The following ZSCAN21 variants were observed in gnomAD, a reference collection of about 807,000 sequenced individuals.
ZSCAN21 encodes the protein zinc finger and SCAN domain containing 21, also known as zinc finger and SCAN domain-containing protein 21.
Under a neutral mutation model 35.6 loss-of-function variants are expected in ZSCAN21, and 26 were observed. The observed-to-expected ratio is 0.73, with a 90% CI of 0.54 to 1.01. The LOEUF (loss-of-function observed/expected upper bound fraction) is 1.01, where lower values mean the gene tolerates loss of function less well. Among genes scored for constraint, ZSCAN21 ranks in the 50% least tolerant of loss-of-function variants. The probability of loss-of-function intolerance (pLI) is 0.00; values close to 1 mark genes in which losing one functional copy is unlikely to be tolerated. For missense variants in ZSCAN21, 593 were observed against 587.1 expected, an observed-to-expected ratio of 1.01 and a Z score of -0.10; for synonymous variants, 219 against 219.3, an observed-to-expected ratio of 1.00 and a Z score of 0.01.
intron 1 of ZSCAN21, among the ~76,000 whole-genome samples, chr7:100,054,812 C>A (rs1426220198): frequency 8.3e-6 from 1 of 120,052 alleles, no homozygotes; most frequent in East Asian, 2.7e-4. Flanking sequence ...GTACTCTAGC[C>A]GGGGCAGCAG....
At chr7:100,062,425 G>A (rs1487580023) in intron 3 of ZSCAN21, among the ~76,000 whole-genome samples, 2 of 150,464 alleles carry the variant, frequency 1.3e-5, no homozygotes, top group African/African-American at 2.5e-5. Context: ...GAGAAACCCT[G>A]TCTCTACTAA....
chr7:100,056,491 A>C (rs938320066), intron 1 of ZSCAN21, among the ~76,000 whole-genome samples: 1 of 151,446 alleles, frequency 6.6e-6, no homozygotes, highest in Non-Finnish European at 1.5e-5. Flanking sequence ...TAGAGATGGA[A>C]TCTCGCTCTG....
In ZSCAN21 at chr7:100,064,368, C is replaced by T. The variant is rs772024083; in HGVS notation, c.1173C>T (p.Asn391=). The change falls in exon 4 of 4, where the codon AAC becomes AAT. Residue 391 remains asparagine, a synonymous_variant. Coordinates refer to ENST00000292450, the MANE Select transcript of ZSCAN21 (RefSeq NM_145914.3). ...IHTGEKPYQC[N]ECGKSFSQHA... ...CTGGGGAGAAGCCTTATCAGTGTAA[C>T]GAATGTGGGAAGAGCTTCAGTCAGC... 2.0e-5 allele frequency: 32 copies of T among 1,614,030 alleles called. No homozygotes were observed. The highest frequency in any genetic ancestry group is 3.3e-4 in the Middle Eastern group (2 of 6,062).
In ZSCAN21 at chr7:100,064,437, G is replaced by A. The variant is rs1792525569; in HGVS notation, c.1242G>A (p.Lys414=). The A allele has an allele frequency of 1.2e-6, 2 of 1,613,816 alleles. No homozygotes were observed. Among genetic ancestry groups the A allele is most frequent in the Admixed American group, 1.7e-5 (1 of 59,970 alleles). ...ACCAGAGACTCCACACCGGAGAGAA[G>A]CCATATAAGTGTAAGGAGTGTGGGA... ...SSHQRLHTGE[K]PYKCKECGKA... Residue 414 remains lysine, a synonymous_variant, in exon 4 of 4, where the codon AAG becomes AAA. Transcript: ENST00000292450.
At chr7:100,054,056 T>A (rs560939897) in intron 1 of ZSCAN21, among the ~76,000 whole-genome samples, 1 of 151,910 alleles carries the variant, frequency 6.6e-6, no homozygotes, top group Non-Finnish European at 1.5e-5. Flanking sequence ...GCTACCTCAT[T>A]ATTTCTTGTT....
chr7:100,050,957 C>T (rs143845550), intron 1 of ZSCAN21, among the ~76,000 whole-genome samples: 1,700 of 151,396 alleles, frequency 0.011, 27 homozygotes, highest in African/African-American at 0.039. Context: ...TTTGGGAGGC[C>T]GAGGCGAGTG....
At chr7:100,054,960 T>C (rs1480046295) in intron 1 of ZSCAN21, among the ~76,000 whole-genome samples, 3 of 92,190 alleles carry the variant, frequency 3.3e-5, no homozygotes, top group African/African-American at 2.9e-5. Flanking sequence ...GATCTCTCTT[T>C]TTTTTTTTTT....
chr7:100,063,679 C>A, intron 3 of ZSCAN21, 109 bp from the exon 4 acceptor site: 1 of 1,025,222 alleles, frequency 9.8e-7, no homozygotes, highest in Non-Finnish European at 1.4e-6. Flanking sequence ...TCTGTTTAGT[C>A]ACCCTTCAGA....
chr7:100,050,850 T>C (rs1002410635), intron 1 of ZSCAN21, among the ~76,000 whole-genome samples: 1 of 152,052 alleles, frequency 6.6e-6, no homozygotes, highest in Non-Finnish European at 1.5e-5. Flanking sequence ...AGTATTGGTC[T>C]TGGACTAACC....
At chr7:100,056,784 C>G in intron 1 of ZSCAN21, 127 bp from the exon 2 acceptor site, 1 of 460,788 alleles carries the variant, frequency 2.2e-6, no homozygotes, top group Non-Finnish European at 3.8e-6. Context: ...AGATTTTGAG[C>G]AGTTGTTTTT....
Position 100,064,630 on chromosome 7 carries a change from C to G in ZSCAN21, c.*13C>G. ...AGAAGCACCGTAACTTTCAAGCGCT[C>G]CTGTTGTTGTCGTTGTTTTAAACTT... On this transcript the variant is annotated 3_prime_UTR_variant, in exon 4 of 4. Transcript: ENST00000292450. 1 of 1,607,574 alleles carries G rather than the reference C, an allele frequency of 6.2e-7. No homozygotes were observed. The highest frequency in any genetic ancestry group is 1.1e-5 in the South Asian group (1 of 90,432).
intron 1 of ZSCAN21, among the ~76,000 whole-genome samples, chr7:100,053,759 C>T (rs576565024): frequency 6.6e-6 from 1 of 151,714 alleles, no homozygotes; most frequent in African/African-American, 2.4e-5. Context: ...AATTTTATGG[C>T]AACTATATTT....
intron 1 of ZSCAN21, among the ~76,000 whole-genome samples, chr7:100,054,135 A>G (rs146042675): frequency 3.3e-5 from 5 of 152,114 alleles, no homozygotes; most frequent in African/African-American, 1.2e-4. Flanking sequence ...CCCTGACTCA[A>G]TTTTTAAGTA....
intron 1 of ZSCAN21, among the ~76,000 whole-genome samples, chr7:100,052,981 T>C (rs1791938643): frequency 6.6e-6 from 1 of 151,692 alleles, no homozygotes; most frequent in Non-Finnish European, 1.5e-5. Flanking sequence ...ATATAAAAAT[T>C]AGCCGGGCAT....
chr7:100,057,377 A>T lies in ZSCAN21; in HGVS notation c.371A>T (p.Glu124Val). Reference sequence around the variant, plus strand: ...GCTGTCACTCTCCTCGAAGATCTGGAGCGGGAACTGGATGAGCCAGGACAC... The same window carrying T: ...GCTGTCACTCTCCTCGAAGATCTGGTGCGGGAACTGGATGAGCCAGGACAC... ...EEAVTLLEDL[E>V]RELDEPGHQV... Residue 124 changes from glutamate to valine, a missense_variant, in exon 2 of 4, where the codon GAG becomes GTG. Physicochemically the swap from Glu to Val is moderately radical, Grantham distance 121. Coordinates refer to ENST00000292450, the MANE Select transcript of ZSCAN21 (RefSeq NM_145914.3). 1 of 1,566,774 alleles carries T rather than the reference A, an allele frequency of 6.4e-7. No individual in the cohort carries two copies. The highest frequency in any genetic ancestry group is 8.6e-7 in the Non-Finnish European group (1 of 1,157,788).
rs1305447143 is a variant in ZSCAN21, at chr7:100,056,898, T to G, written c.-96-13T>G. On this transcript the variant is annotated splice_polypyrimidine_tract_variant and intron_variant, in intron 1 of 3. Transcript: ENST00000292450. ...TTCAGTTTGATTATTTTTTGGTAACTATATTTTCTTAGGTTTAACTTGTGG... is the reference window on the plus strand; with the variant it reads ...TTCAGTTTGATTATTTTTTGGTAACGATATTTTCTTAGGTTTAACTTGTGG... 1.7e-6 allele frequency: 2 copies of G among 1,183,426 alleles called. No homozygotes were observed. Among genetic ancestry groups the G allele is most frequent in the African/African-American group, 3.0e-5 (2 of 65,966 alleles). 73.3% of individuals were successfully genotyped at this position (1,183,426 alleles called of 1,614,324 possible).
chr7:100,063,581 C>T (rs1009402350), intron 3 of ZSCAN21, among the ~76,000 whole-genome samples: 6 of 151,468 alleles, frequency 4.0e-5, no homozygotes, highest in South Asian at 4.2e-4. Flanking sequence ...CTGCTGACAG[C>T]GAGACTCCAT....
At chr7:100,063,517 G>C (rs181952108) in intron 3 of ZSCAN21, among the ~76,000 whole-genome samples, 1 of 152,030 alleles carries the variant, frequency 6.6e-6, no homozygotes, top group African/African-American at 2.4e-5. Context: ...CAGGAGAATC[G>C]CTTGAATCAG....
chr7:100,062,315 G>A (rs1208316453), intron 3 of ZSCAN21, among the ~76,000 whole-genome samples: 1 of 148,894 alleles, frequency 6.7e-6, no homozygotes, highest in African/African-American at 2.5e-5. Context: ...AAAGGGCCGG[G>A]TGTGGTGGTT....
Sources: gnomAD v4.1 joint callset for allele counts (sites outside exome capture counted in the v4.1 genomes callset) on GRCh38, gnomAD v4.1.1 for gene constraint, MANE v1.5 for transcripts, NCBI Gene and HGNC (gene_info 2026-07-23, HGNC 2026-07-21) for gene names.